SLC9A9: variants seen among roughly 807,000 people sequenced by gnomAD.
The protein encoded by SLC9A9 is solute carrier family 9 member A9.
A neutral mutation model predicts 77.8 loss-of-function variants in SLC9A9; 62 were observed. That is an observed-to-expected ratio of 0.80 (90% confidence interval 0.65 to 0.98). The LOEUF is 0.98. Ranked by LOEUF, SLC9A9 falls within the 50% of genes least tolerant of loss-of-function variation. The pLI, the probability that SLC9A9 is intolerant of heterozygous loss-of-function variation, is 0.00. For synonymous variants in SLC9A9, 320 were observed against 283.5 expected (o/e 1.13, Z -1.29); for missense variants, 775 against 774.9 (o/e 1.00, Z 0.00).
At chr3:143,510,803 T>C (rs2036103974) in intron 9 of SLC9A9, among the ~76,000 whole-genome samples, 1 of 152,080 alleles carries the variant, frequency 6.6e-6, no homozygotes, top group Admixed American at 6.5e-5. Context: ...TTTCCTGGGG[T>C]CAAACTTGTT....
intron 8 of SLC9A9, among the ~76,000 whole-genome samples, chr3:143,564,168 C>T (rs893719136): frequency 9.2e-5 from 14 of 152,186 alleles, no homozygotes; most frequent in Non-Finnish European, 1.9e-4. Flanking sequence ...GGTCCGTTGT[C>T]TTCTAATATT....
At chr3:143,786,919 C>T (rs2008073612) in intron 4 of SLC9A9, among the ~76,000 whole-genome samples, 1 of 151,826 alleles carries the variant, frequency 6.6e-6, no homozygotes. Context: ...GCTCCAGGGG[C>T]AGTGAAGAAG....
At chr3:143,818,106 A>T (rs541884253) in intron 2 of SLC9A9, among the ~76,000 whole-genome samples, 3 of 152,342 alleles carry the variant, frequency 2.0e-5, no homozygotes, top group African/African-American at 4.8e-5. Context: ...GATTATTTTA[A>T]TTATTTCAGA....
chr3:143,327,313 G>T (rs139923807), intron 14 of SLC9A9, among the ~76,000 whole-genome samples: 8 of 152,230 alleles, frequency 5.3e-5, no homozygotes, highest in African/African-American at 1.4e-4. Context: ...ACAGAGTTGG[G>T]GTGAATGAAT....
intron 14 of SLC9A9, among the ~76,000 whole-genome samples, chr3:143,308,833 C>A (rs1037152506): frequency 6.6e-6 from 1 of 152,110 alleles, no homozygotes; most frequent in East Asian, 1.9e-4. Context: ...GGCCTGGCTT[C>A]CCCTGGCTTG....
chr3:143,328,107 A>G (rs1026177930), intron 14 of SLC9A9, among the ~76,000 whole-genome samples: 1 of 152,244 alleles, frequency 6.6e-6, no homozygotes, highest in Non-Finnish European at 1.5e-5. Flanking sequence ...AAACAATTAC[A>G]TATGATACTA....
rs1254508283 is a variant in SLC9A9, at chr3:143,267,041, T to A, written c.1711-112A>T. The A allele has an allele frequency of 7.2e-6, 7 of 967,584 alleles. No individual in the cohort carries two copies. The Admixed American group carries it at 1.0e-4, about 14-fold the overall frequency. 59.9% of individuals were successfully genotyped at this position (967,584 alleles called of 1,614,324 possible). ...GAATGCATGTTTTCCTTTCTGTAAC[T>A]GCCCTGTCTGGCCTTGGCTGATGTT... On this transcript the variant is annotated intron_variant, in intron 15 of 15. Coordinates refer to ENST00000316549, the MANE Select transcript of SLC9A9 (RefSeq NM_173653.4).
chr3:143,649,527 A>G (rs1325159354), intron 6 of SLC9A9, among the ~76,000 whole-genome samples: 1 of 152,224 alleles, frequency 6.6e-6, no homozygotes, highest in Non-Finnish European at 1.5e-5. Flanking sequence ...TTCAGAGCAC[A>G]TTTAACCTAA....
At chr3:143,427,793 G>C (rs561578862) in intron 12 of SLC9A9, among the ~76,000 whole-genome samples, 1 of 152,128 alleles carries the variant, frequency 6.6e-6, no homozygotes, top group African/African-American at 2.4e-5. Flanking sequence ...CATGTCTCCT[G>C]GGGTTGCTTC....
At chr3:143,655,496 T>C in intron 5 of SLC9A9, 1 of 985,458 alleles carries the variant, frequency 1.0e-6, no homozygotes, top group South Asian at 4.7e-5. Context: ...TAACTTACTT[T>C]AGTTCCACTC....
At chr3:143,344,043 G>C (rs2032188226) in intron 14 of SLC9A9, among the ~76,000 whole-genome samples, 1 of 152,146 alleles carries the variant, frequency 6.6e-6, no homozygotes, top group South Asian at 2.1e-4. Context: ...ATGTAAATTA[G>C]ATTCATTAAG....
intron 2 of SLC9A9, among the ~76,000 whole-genome samples, chr3:143,806,092 AC>A (rs987202361): frequency 6.6e-5 from 5 of 76,302 alleles, no homozygotes; most frequent in African/African-American, 1.6e-4. Flanking sequence ...CACATCCCCT[AC>A]CCCCCGTCCC....
At chr3:143,482,903 G>A (rs918384161) in intron 11 of SLC9A9, among the ~76,000 whole-genome samples, 1 of 152,158 alleles carries the variant, frequency 6.6e-6, no homozygotes, top group Non-Finnish European at 1.5e-5. Context: ...ATTAACTAGG[G>A]CTATGCTCAA....
At chr3:143,655,135 T>A (rs2038865809) in intron 5 of SLC9A9, among the ~76,000 whole-genome samples, 1 of 152,198 alleles carries the variant, frequency 6.6e-6, no homozygotes, top group Admixed American at 6.6e-5. Flanking sequence ...AGTCAGGAAA[T>A]TAGCCACCCA....
chr3:143,571,789 C>A (rs553235341), intron 8 of SLC9A9, among the ~76,000 whole-genome samples: 10 of 152,144 alleles, frequency 6.6e-5, no homozygotes, highest in Non-Finnish European at 8.8e-5. Flanking sequence ...TGAGTGTTTA[C>A]CCTCAACTAA....
At chr3:143,831,949 A>G in intron 2 of SLC9A9, 70 bp downstream of exon 2, 2 of 1,412,630 alleles carry the variant, frequency 1.4e-6, no homozygotes, top group Non-Finnish European at 9.8e-7. Flanking sequence ...TATAAAAAGT[A>G]TAAAGGCTCA....
chr3:143,700,421 C>A (rs1352656848), intron 4 of SLC9A9, among the ~76,000 whole-genome samples: 2 of 152,142 alleles, frequency 1.3e-5, no homozygotes, highest in African/African-American at 4.8e-5. Context: ...CTGCCCTGGG[C>A]CAGAGGGGAG....
intron 6 of SLC9A9, among the ~76,000 whole-genome samples, chr3:143,618,231 GCCTAC>G (rs2038140541): frequency 6.6e-6 from 1 of 152,160 alleles, no homozygotes; most frequent in African/African-American, 2.4e-5. Context: ...AATGCATAAG[GCCTAC>G]TTTATGTGGC....
chr3:143,309,686 A>C (rs1476579208), intron 14 of SLC9A9, among the ~76,000 whole-genome samples: 1 of 152,094 alleles, frequency 6.6e-6, no homozygotes, highest in African/African-American at 2.4e-5. Context: ...CTGTATCTCA[A>C]GTGGTCTTGT....
Sources: gnomAD v4.1 joint callset for allele counts (sites outside exome capture counted in the v4.1 genomes callset) on GRCh38, gnomAD v4.1.1 for gene constraint, MANE v1.5 for transcripts, NCBI Gene and HGNC (gene_info 2026-07-23, HGNC 2026-07-21) for gene names.